PITPNC1: variants seen among roughly 807,000 people sequenced by gnomAD.
The protein encoded by PITPNC1 is cytoplasmic phosphatidylinositol transfer protein 1.
A neutral mutation model predicts 44.7 loss-of-function variants in PITPNC1; 18 were observed. The observed-to-expected ratio is 0.40, with a 90% CI of 0.28 to 0.60. The LOEUF (loss-of-function observed/expected upper bound fraction) is 0.60. Among genes scored for constraint, PITPNC1 ranks in the 20% least tolerant of loss-of-function variants. The pLI, the probability that PITPNC1 is intolerant of heterozygous loss-of-function variation, is 0.39. For synonymous variants in PITPNC1, 141 were observed against 149.6 expected (o/e 0.94, Z 0.42); for missense variants, 290 against 418.4 (o/e 0.69, Z 2.68).
intron 4 of PITPNC1, among the ~76,000 whole-genome samples, chr17:67,560,042 G>C (rs532660060): frequency 2.0e-5 from 3 of 152,284 alleles, no homozygotes; most frequent in African/African-American, 7.2e-5. Flanking sequence ...ATGGTACACA[G>C]CCCATTAAGT....
intron 6 of PITPNC1, among the ~76,000 whole-genome samples, chr17:67,665,053 A>G (rs2042402821): frequency 6.6e-6 from 1 of 152,090 alleles, no homozygotes; most frequent in Non-Finnish European, 1.5e-5. Context: ...TATGAATTAG[A>G]ACATCCATGT....
intron 4 of PITPNC1, among the ~76,000 whole-genome samples, chr17:67,566,978 T>G (rs1256346595): frequency 6.6e-6 from 1 of 152,274 alleles, no homozygotes; most frequent in Non-Finnish European, 1.5e-5. Context: ...TTTCTTCATC[T>G]GTAAAATGGG....
chr17:67,489,226 C>T (rs1233018123), intron 1 of PITPNC1, among the ~76,000 whole-genome samples: 2 of 152,128 alleles, frequency 1.3e-5, no homozygotes, highest in Admixed American at 6.5e-5. Context: ...TTGTTTGCTC[C>T]GTCTCCTTTT....
At chr17:67,538,618 G>A (rs550313626) in intron 2 of PITPNC1, among the ~76,000 whole-genome samples, 8 of 151,960 alleles carry the variant, frequency 5.3e-5, no homozygotes, top group Admixed American at 2.0e-4. Flanking sequence ...TAAATAAATA[G>A]ATAGATAAAT....
At chr17:67,606,133 T>G (rs2041604907) in intron 5 of PITPNC1, among the ~76,000 whole-genome samples, 1 of 152,080 alleles carries the variant, frequency 6.6e-6, no homozygotes, top group South Asian at 2.1e-4. Context: ...GCTGACTGAA[T>G]TGATGGAACA....
At chr17:67,604,447 T>C (rs1204739640) in intron 5 of PITPNC1, among the ~76,000 whole-genome samples, 1 of 152,156 alleles carries the variant, frequency 6.6e-6, no homozygotes, top group South Asian at 2.1e-4. Context: ...ACCAGAGAGA[T>C]TGGCCTCAAA....
At chr17:67,525,523 G>A (rs1363244715) in intron 1 of PITPNC1, 1 of 152,226 alleles carries the variant, frequency 6.6e-6, no homozygotes, top group African/African-American at 2.4e-5. Context: ...ACCAGAAAAA[G>A]AGACAGCTCT....
chr17:67,462,371 A>G (rs1028046325), intron 1 of PITPNC1, among the ~76,000 whole-genome samples: 2 of 151,032 alleles, frequency 1.3e-5, no homozygotes, highest in Non-Finnish European at 2.9e-5. Context: ...AGCCAGGATT[A>G]TAGGCGCCCA....
At chr17:67,459,810 C>T (rs1161380973) in intron 1 of PITPNC1, 1 of 152,086 alleles carries the variant, frequency 6.6e-6, no homozygotes, top group East Asian at 1.9e-4. Flanking sequence ...TATAGTATGT[C>T]CTGAGGGGTT....
chr17:67,623,591 CCAGG>C (rs2041860604), intron 5 of PITPNC1, among the ~76,000 whole-genome samples: 1 of 152,166 alleles, frequency 6.6e-6, no homozygotes, highest in East Asian at 1.9e-4. Context: ...ATCATGTTGA[CCAGG>C]CTGGTCTGGA....
At chr17:67,438,969 TA>T (rs888904773) in intron 1 of PITPNC1, among the ~76,000 whole-genome samples, 1 of 152,086 alleles carries the variant, frequency 6.6e-6, no homozygotes, top group Admixed American at 6.6e-5. Flanking sequence ...TTTTTTAAAT[TA>T]AAAAAATGAC....
chr17:67,556,758 A>T (rs2040843064), intron 4 of PITPNC1, among the ~76,000 whole-genome samples: 1 of 152,168 alleles, frequency 6.6e-6, no homozygotes, highest in Non-Finnish European at 1.5e-5. Context: ...CCACTCCAAG[A>T]GCCTTCCTGC....
At chr17:67,632,314 A>G in intron 6 of PITPNC1, 76 bp downstream of exon 6, 1 of 915,642 alleles carries the variant, frequency 1.1e-6, no homozygotes, top group South Asian at 1.4e-5. Context: ...AGTGCCTCCT[A>G]ACTTGGGAGG....
intron 1 of PITPNC1, among the ~76,000 whole-genome samples, chr17:67,469,129 A>G (rs1255695211): frequency 1.3e-5 from 2 of 152,140 alleles, no homozygotes; most frequent in African/African-American, 4.8e-5. Context: ...AGACCATACT[A>G]ATTGTAATAA....
intron 1 of PITPNC1, among the ~76,000 whole-genome samples, chr17:67,392,184 C>T (rs149338063): frequency 2.6e-5 from 4 of 152,286 alleles, no homozygotes; most frequent in African/African-American, 9.6e-5. Context: ...GTCTTTGGCA[C>T]ATTTAGTTGA....
chr17:67,470,008 C>T (rs180704015), intron 1 of PITPNC1, among the ~76,000 whole-genome samples: 76 of 152,094 alleles, frequency 5.0e-4, no homozygotes, highest in Non-Finnish European at 9.3e-4. Context: ...CTGTAACCTC[C>T]GCCTCCTGGG....
intron 6 of PITPNC1, among the ~76,000 whole-genome samples, chr17:67,660,305 C>T (rs1567763925): frequency 6.6e-6 from 1 of 152,102 alleles, no homozygotes; most frequent in Non-Finnish European, 1.5e-5. Flanking sequence ...GAACTAGTCC[C>T]ATGGCCTCAA....
At chr17:67,391,867 A>G (rs940899055) in intron 1 of PITPNC1, among the ~76,000 whole-genome samples, 4 of 152,194 alleles carry the variant, frequency 2.6e-5, no homozygotes, top group African/African-American at 7.2e-5. Context: ...TGTCCCAGTA[A>G]GAGAAGAAAG....
Position 67,686,982 on chromosome 17 carries a change from C to T in PITPNC1, c.683-5590C>T, listed in dbSNP as rs1180647786. On this transcript the variant is annotated intron_variant, in intron 8 of 8. Coordinates refer to ENST00000581322, the MANE Select transcript of PITPNC1 (RefSeq NM_012417.4). The stretch of plus-strand genomic sequence containing the variant: ...CTTTTTTAAACCTCCTTGGCTACTG[C>T]TCAGCTACCATCTTTCCCTAAAGTG... 6.4e-6 allele frequency: 5 copies of T among 786,048 alleles called. No homozygotes were observed. The Admixed American group carries it at 7.5e-5, about 12-fold the overall frequency. The allele number at this position is 786,048 out of a possible 1,614,324, so 48.7% of individuals were successfully genotyped here. A position where few individuals can be genotyped will look rare whatever the true frequency, so the allele number is the denominator to read the frequency against.
Sources: gnomAD v4.1 joint callset for allele counts (sites outside exome capture counted in the v4.1 genomes callset) on GRCh38, gnomAD v4.1.1 for gene constraint, MANE v1.5 for transcripts, NCBI Gene and HGNC (gene_info 2026-07-23, HGNC 2026-07-21) for gene names.